Variants in LRP12 observed in about 807,000 individuals in gnomAD.
LRP12 encodes low-density lipoprotein receptor-related protein 12.
A neutral mutation model predicts 66.0 loss-of-function variants in LRP12; 14 were observed. That is an observed-to-expected ratio of 0.21 (90% CI 0.14 to 0.33). LRP12 has a LOEUF of 0.33. LRP12 is among the 10% of genes least tolerant of loss of function. LRP12 has a pLI of 1.00. For missense variants in LRP12, 889 were observed against 1,053.4 expected (o/e 0.84, Z 2.16); for synonymous variants, 357 against 359.1 (o/e 0.99, Z 0.07).
rs184787930 is a variant in LRP12 at position 104,526,011 on chromosome 8, A to G, written c.136+5896T>C. ...ACGATACAAAATCAATTGTACAAAA[A>G]TCACAAGCATTCTTATACACCAATA... is the stretch of plus-strand genomic sequence containing the variant. On this transcript the variant is annotated intron_variant, in intron 2 of 6. Transcript: ENST00000276654. Among the ~76,000 whole-genome samples the G allele has an allele frequency of 5.8e-3, 891 of 152,346 alleles. 6 individuals carry two copies. The highest frequency in any genetic ancestry group is 9.7e-3 in the Non-Finnish European group (659 of 68,040).
At chr8:104,510,182 C>A (rs914104655) in intron 2 of LRP12, among the ~76,000 whole-genome samples, 2 of 152,128 alleles carry the variant, frequency 1.3e-5, no homozygotes, top group African/African-American at 4.8e-5. Context: ...TTAGGGTACT[C>A]TAAATAAGCC....
In LRP12 at chr8:104,588,854, G is replaced by A; in HGVS notation, c.44C>T (p.Ser15Phe). The change falls in exon 1 of 7, where the codon TCT becomes TTT. Residue 15 changes from serine (S) to phenylalanine (F), a missense_variant. Ser to Phe is a radical substitution (Grantham distance 155, BLOSUM62 -2). Around this residue, in one of 3 missense-constraint regions of LRP12, gnomAD observed 88 missense variants for 72.5 expected, o/e 1.21. Coordinates refer to ENST00000276654, the MANE Select transcript of LRP12 (RefSeq NM_013437.5). ...WSTKESPRWR[S>F]ALLLLFLAGV... is the part of the protein sequence containing the mutation. ...AGCGAGGAAAAGCAAGAGCAACGCA[G>A]ACCTCCACCGCGGAGACTCTTTTGT... The A allele has an allele frequency of 6.2e-7, 1 of 1,612,446 alleles. No individual in the cohort carries two copies.
At chr8:104,576,408 A>ACCTCTCAG (rs201939490) in intron 1 of LRP12, among the ~76,000 whole-genome samples, 6,142 of 152,304 alleles carry the variant, frequency 0.04, 183 homozygotes, top group South Asian at 0.074. Flanking sequence ...CATCAGACTA[A>ACCTCTCAG]CAGCACACCT....
At chr8:104,514,824 C>T (rs151157234) in intron 2 of LRP12, among the ~76,000 whole-genome samples, 3 of 152,142 alleles carry the variant, frequency 2.0e-5, no homozygotes, top group Non-Finnish European at 4.4e-5. Context: ...TAGCACACTG[C>T]TTGTATTACA....
intron 6 of LRP12, among the ~76,000 whole-genome samples, chr8:104,492,803 G>T (rs1588480510): frequency 6.6e-6 from 1 of 151,618 alleles, no homozygotes; most frequent in East Asian, 1.9e-4. Flanking sequence ...TTGCTATACA[G>T]ATGAGTAAGA....
chr8:104,587,587 T>C (rs1446493893), intron 1 of LRP12, among the ~76,000 whole-genome samples: 1 of 152,242 alleles, frequency 6.6e-6, no homozygotes, highest in Non-Finnish European at 1.5e-5. Context: ...ATTTCTTGGC[T>C]GTCAGTAAAT....
intron 1 of LRP12, among the ~76,000 whole-genome samples, chr8:104,566,760 T>C (rs1236710599): frequency 6.6e-6 from 1 of 152,140 alleles, no homozygotes; most frequent in Non-Finnish European, 1.5e-5. Context: ...CAATACGTTA[T>C]TTAATTTTTT....
intron 1 of LRP12, among the ~76,000 whole-genome samples, chr8:104,579,595 G>C (rs898593080): frequency 2.1e-4 from 32 of 152,136 alleles, no homozygotes; most frequent in African/African-American, 7.7e-4. Context: ...AATTCATATA[G>C]AACCAAAAAA....
intron 4 of LRP12, among the ~76,000 whole-genome samples, chr8:104,498,433 C>G (rs1033211690): frequency 7.4e-6 from 1 of 135,428 alleles, no homozygotes; most frequent in Non-Finnish European, 1.6e-5. Flanking sequence ...CATGTGTTCT[C>G]ATTGTTCAGG....
rs1215647037 is a variant in LRP12, at chr8:104,588,961, ACGACGCCGACGCCGC to A, written c.-79_-65del. The A allele has an allele frequency of 4.1e-6, 4 of 972,294 alleles. 1 individual carries two copies. In the African/African-American group the frequency reaches 1.6e-4, roughly 39 times the overall value. 60.2% of individuals were successfully genotyped at this position (972,294 alleles called of 1,614,324 possible). On this transcript the variant is annotated 5_prime_UTR_variant, in exon 1 of 7. Transcript: ENST00000276654. ...AGGAGGGAGGAGAAGCTGGAGGTAG[ACGACGCCGACGCCGC>A]CGCCGCCGCCGCCGCCGCCGCCGAG...
intron 1 of LRP12, among the ~76,000 whole-genome samples, chr8:104,548,329 TA>T (rs1254067103): frequency 0.02 from 182 of 9,248 alleles, 13 homozygotes; most frequent in African/African-American, 0.13. Flanking sequence ...ATATAATATA[TA>T]TTATATAAAT....
intron 1 of LRP12, among the ~76,000 whole-genome samples, chr8:104,580,709 T>C (rs553905908): frequency 6.6e-6 from 1 of 151,960 alleles, no homozygotes; most frequent in Non-Finnish European, 1.5e-5. Context: ...ATCAGAGAAA[T>C]GCAAATCAAA....
chr8:104,515,746 G>C (rs1047321557), intron 2 of LRP12, among the ~76,000 whole-genome samples: 2 of 152,156 alleles, frequency 1.3e-5, no homozygotes, highest in Non-Finnish European at 2.9e-5. Context: ...ATGTCCACAG[G>C]TATTTGACTG....
Position 104,589,128 on chromosome 8 carries a change from GC to G in LRP12, c.-232del. On this transcript the variant is annotated 5_prime_UTR_variant, in exon 1 of 7. Coordinates refer to ENST00000276654, the MANE Select transcript of LRP12 (RefSeq NM_013437.5). ...TGCTCCCACCCCGGGCGGTGCGAGA[GC>G]CCCACGCGGGGCGGCCCTCCTGGGG... 1 of 187,902 alleles carries G rather than the reference GC, an allele frequency of 5.3e-6. No individual in the cohort carries two copies. The highest frequency in any genetic ancestry group is 1.1e-5 in the Non-Finnish European group (1 of 93,512). 11.6% of individuals were successfully genotyped at this position (187,902 alleles called of 1,614,324 possible).
intron 1 of LRP12, among the ~76,000 whole-genome samples, chr8:104,533,328 C>G (rs1000010543): frequency 1.3e-5 from 2 of 151,960 alleles, no homozygotes; most frequent in Admixed American, 1.3e-4. Flanking sequence ...AAACAGGCAG[C>G]AGAAACAAAA....
chr8:104,528,583 T>G (rs909526134), intron 2 of LRP12, among the ~76,000 whole-genome samples: 6 of 152,160 alleles, frequency 3.9e-5, no homozygotes, highest in African/African-American at 1.4e-4. Context: ...GAGACCAGCC[T>G]GGCCAACATA....
At position 104,588,827 on chromosome 8, in the gene LRP12, C is replaced by A; in HGVS notation, c.71G>T (p.Gly24Val). 1 of 1,612,584 alleles carries A rather than the reference C, an allele frequency of 6.2e-7. No individual in the cohort carries two copies. Among genetic ancestry groups the A allele is most frequent in the East Asian group, 2.2e-5 (1 of 44,764 alleles). Reference sequence around the variant, plus strand: ...GGGACGCGGACACTTACCGTACACCCCAGCGAGGAAAAGCAAGAGCAACGC... The same window carrying A: ...GGGACGCGGACACTTACCGTACACCACAGCGAGGAAAAGCAAGAGCAACGC... ...RSALLLLFLA[G>V]VYGNGALAEH... Residue 24 changes from glycine to valine, a missense_variant, in exon 1 of 7, where the codon GGG becomes GTG. Physicochemically the swap from Gly to Val is moderately radical, Grantham distance 109. Around this residue, in one of 3 missense-constraint regions of LRP12, gnomAD observed 88 missense variants for 72.5 expected, o/e 1.21. Transcript: ENST00000276654.
intron 2 of LRP12, among the ~76,000 whole-genome samples, chr8:104,516,425 T>G (rs1564133547): frequency 6.6e-6 from 1 of 152,066 alleles, no homozygotes; most frequent in African/African-American, 2.4e-5. Context: ...GAATACATAT[T>G]TTTAAAATTT....
intron 3 of LRP12, chr8:104,508,037 A>AT (rs918744537): frequency 3.9e-5 from 6 of 152,224 alleles, no homozygotes; most frequent in Admixed American, 3.9e-4. Flanking sequence ...CTAAAATTCT[A>AT]TGCCTCCTAC....
Sources: allele counts gnomAD v4.1 joint callset (sites outside exome capture counted in the v4.1 genomes callset), GRCh38; gene constraint gnomAD v4.1.1; regional missense constraint gnomAD v4.1.1; transcripts MANE v1.5; gene names NCBI Gene and HGNC (gene_info 2026-07-23, HGNC 2026-07-21).